TAS2R1: variants seen among roughly 807,000 people sequenced by gnomAD.
TAS2R1 encodes the protein taste 2 receptor member 1.
For missense variants in TAS2R1, 370 were observed against 353.4 expected (o/e 1.05, Z -0.38); for synonymous variants, 141 against 134.2 (o/e 1.05, Z -0.35).
chr5:9,838,047 T>C, the TAS2R1 span, among the ~76,000 whole-genome samples: 1 of 152,136 alleles, frequency 6.6e-6, no homozygotes, highest in Admixed American at 6.5e-5. Context: ...ATGGTGAGCA[T>C]CTCTGTCAAG....
chr5:9,696,287 C>T lies in TAS2R1; in HGVS notation c.-242+15885G>A, dbSNP rs552853441. On this transcript the variant is annotated intron_variant, in intron 1 of 2. Transcript: ENST00000506620. ...AATATATTAAACATGAGATCTGATG[C>T]GGTAGCTCACGCCTGTAATCCCAGC... Among the ~76,000 whole-genome samples, 130 of 152,172 alleles carry T rather than the reference C, an allele frequency of 8.5e-4. 2 individuals carry two copies. The Middle Eastern group carries it at 0.014, about 16-fold the overall frequency.
the TAS2R1 span, among the ~76,000 whole-genome samples, chr5:9,892,250 G>A: frequency 6.6e-6 from 1 of 152,170 alleles, no homozygotes; most frequent in Admixed American, 6.5e-5. Flanking sequence ...AAGACATTCT[G>A]ATCTGAGTAC....
At position 9,704,492 on chromosome 5, in the gene TAS2R1, A is replaced by G. The variant is rs2126528195; in HGVS notation, c.-242+7680T>C. ...AAATGTATACGGTTAATACCCTCAA[A>G]GCACAGCAAAAGGCAGTTCACGATG... On this transcript the variant is annotated intron_variant, in intron 1 of 2. Transcript: ENST00000506620. Among the ~76,000 whole-genome samples, 2 of 152,356 alleles carry G rather than the reference A, an allele frequency of 1.3e-5. 1 individual carries two copies. Among genetic ancestry groups the G allele is most frequent in the South Asian group, 4.1e-4 (2 of 4,824 alleles).
At chr5:9,771,874 TTTTA>T in the TAS2R1 span, among the ~76,000 whole-genome samples, 1 of 152,072 alleles carries the variant, frequency 6.6e-6, no homozygotes, top group Non-Finnish European at 1.5e-5. Flanking sequence ...TCATCTCTGG[TTTTA>T]TTTATTTGGG....
the TAS2R1 span, among the ~76,000 whole-genome samples, chr5:9,867,954 T>C: frequency 6.6e-6 from 1 of 152,242 alleles, no homozygotes; most frequent in East Asian, 1.9e-4. Flanking sequence ...ATCTCAAAGC[T>C]CCAAAATGAT....
intron 1 of TAS2R1, among the ~76,000 whole-genome samples, chr5:9,666,592 G>T (rs1424174257): frequency 6.6e-6 from 1 of 152,122 alleles, no homozygotes; most frequent in Non-Finnish European, 1.5e-5. Context: ...TAAAATCATA[G>T]CAGTGAGTAA....
chr5:9,817,886 G>A, the TAS2R1 span, among the ~76,000 whole-genome samples: 1 of 151,824 alleles, frequency 6.6e-6, no homozygotes, highest in Non-Finnish European at 1.5e-5. Flanking sequence ...AGAGGGAGAG[G>A]GGGAGGGGGA....
chr5:9,773,348 GTTACAC>G, the TAS2R1 span, among the ~76,000 whole-genome samples: 1 of 151,616 alleles, frequency 6.6e-6, no homozygotes, highest in East Asian at 1.9e-4. Flanking sequence ...TTTTGTTCTA[GTTACAC>G]TTACTGTATG....
chr5:9,798,072 G>A, the TAS2R1 span, among the ~76,000 whole-genome samples: 5 of 152,128 alleles, frequency 3.3e-5, no homozygotes, highest in Non-Finnish European at 5.9e-5. Flanking sequence ...AAAAGGGAAC[G>A]AGAACATAAA....
the TAS2R1 span, among the ~76,000 whole-genome samples, chr5:9,717,524 A>G: frequency 2.0e-5 from 3 of 152,316 alleles, no homozygotes; most frequent in South Asian, 6.2e-4. Flanking sequence ...ACACAAGAAT[A>G]TCTAGGAACA....
At chr5:9,711,530 T>C (rs1450342668) in intron 1 of TAS2R1, among the ~76,000 whole-genome samples, 2 of 151,694 alleles carry the variant, frequency 1.3e-5, no homozygotes, top group East Asian at 3.9e-4. Flanking sequence ...AACGGGGAGG[T>C]GTTCGATAGG....
At chr5:9,710,504 G>C (rs1171852484) in intron 1 of TAS2R1, among the ~76,000 whole-genome samples, 2 of 152,176 alleles carry the variant, frequency 1.3e-5, no homozygotes, top group Admixed American at 1.3e-4. Flanking sequence ...GCAAACAAAA[G>C]ATAGACTGAA....
chr5:9,814,127 C>A, the TAS2R1 span, among the ~76,000 whole-genome samples: 4 of 152,198 alleles, frequency 2.6e-5, no homozygotes, highest in Admixed American at 1.3e-4. Flanking sequence ...TCTTCCTCTG[C>A]TCTGTCTTTT....
the TAS2R1 span, among the ~76,000 whole-genome samples, chr5:9,856,389 G>GA: frequency 4.0e-5 from 6 of 150,744 alleles, no homozygotes; most frequent in Admixed American, 2.0e-4. Context: ...AGCAAGGGGA[G>GA]AAAAAAAAAG....
chr5:9,653,190 T>G (rs1374946982), intron 2 of TAS2R1, among the ~76,000 whole-genome samples: 1 of 152,218 alleles, frequency 6.6e-6, no homozygotes, highest in Non-Finnish European at 1.5e-5. Flanking sequence ...TCCTTCAGAA[T>G]CACCCAAGTT....
intron 2 of TAS2R1, among the ~76,000 whole-genome samples, chr5:9,644,058 G>A (rs1161887177): frequency 6.6e-6 from 1 of 152,150 alleles, no homozygotes; most frequent in Non-Finnish European, 1.5e-5. Context: ...TATGAATAAG[G>A]CAGAGCAGAG....
chr5:9,746,079 A>C, the TAS2R1 span, among the ~76,000 whole-genome samples: 2 of 152,132 alleles, frequency 1.3e-5, no homozygotes, highest in South Asian at 2.1e-4. Flanking sequence ...AAGAAAAAAA[A>C]CCAACCCCAT....
At chr5:9,837,838 T>C in the TAS2R1 span, among the ~76,000 whole-genome samples, 1 of 152,234 alleles carries the variant, frequency 6.6e-6, no homozygotes, top group Non-Finnish European at 1.5e-5. Flanking sequence ...GTCTTGTTTG[T>C]TGCTATGGGC....
the TAS2R1 span, among the ~76,000 whole-genome samples, chr5:9,871,759 T>C: frequency 6.6e-6 from 1 of 152,190 alleles, no homozygotes; most frequent in African/African-American, 2.4e-5. Flanking sequence ...CTGTCAAGCC[T>C]TTTTTTATGA....
Sources: gnomAD v4.1 joint callset for allele counts (sites outside exome capture counted in the v4.1 genomes callset) on GRCh38, gnomAD v4.1.1 for gene constraint, MANE v1.5 for transcripts, NCBI Gene and HGNC (gene_info 2026-07-23, HGNC 2026-07-21) for gene names.